The following MARK3 variants were observed in gnomAD, a reference collection of about 807,000 sequenced individuals.
MARK3 encodes MAP/microtubule affinity-regulating kinase 3.
A neutral mutation model predicts 90.1 loss-of-function variants in MARK3; 46 were observed. The ratio of observed to expected loss-of-function variants is 0.51; its 90% confidence interval spans 0.40 to 0.65. MARK3 has a LOEUF of 0.65. Among genes scored for constraint, MARK3 ranks in the 30% least tolerant of loss-of-function variants. The probability of loss-of-function intolerance (pLI) is 0.00; values close to 1 mark genes in which losing one functional copy is unlikely to be tolerated. For synonymous variants in MARK3, 321 were observed against 332.6 expected (o/e 0.97, Z 0.38); for missense variants, 818 against 947.2 (o/e 0.86, Z 1.79).
At position 103,385,418 on chromosome 14, in the gene MARK3, TC is replaced by T. The variant is rs2089710503; in HGVS notation, c.-610del. 1 of 153,816 alleles carries T rather than the reference TC, an allele frequency of 6.5e-6. No homozygotes were observed. The highest frequency in any genetic ancestry group is 1.5e-5 in the Non-Finnish European group (1 of 68,450). The allele number at this position is 153,816 out of a possible 1,614,324, so 9.5% of individuals were successfully genotyped here. A position where few individuals can be genotyped will look rare whatever the true frequency, so the allele number is the denominator to read the frequency against. On this transcript the variant is annotated 5_prime_UTR_variant, in exon 1 of 18. Coordinates refer to ENST00000429436, the MANE Select transcript of MARK3 (RefSeq NM_001128918.3). ...GAAGCCGAGGGGCGGCCATCTTGGC[TC>T]CGTGAGGCTCTGAGGTGCCGGGGTG...
At chr14:103,399,328 A>G (rs1595463348) in intron 1 of MARK3, among the ~76,000 whole-genome samples, 1 of 152,180 alleles carries the variant, frequency 6.6e-6, no homozygotes, top group African/African-American at 2.4e-5. Context: ...TTGAGTTGAT[A>G]TGGCCCCTAT....
At chr14:103,420,780 T>TA (rs2140953213) in intron 2 of MARK3, among the ~76,000 whole-genome samples, 1 of 152,294 alleles carries the variant, frequency 6.6e-6, no homozygotes, top group Admixed American at 6.5e-5. Context: ...TTTTCGGACA[T>TA]ATGCAGAACG....
intron 1 of MARK3, among the ~76,000 whole-genome samples, chr14:103,397,458 C>G (rs2090655105): frequency 6.6e-6 from 1 of 151,816 alleles, no homozygotes. Context: ...TTCTGAGTAG[C>G]TGGGACTACA....
rs10529756 is a variant in MARK3, at chr14:103,423,200, C to CTTTTTT, written c.244-5178_244-5173dup. 7.4e-5 allele frequency among the ~76,000 whole-genome samples: 7 copies of CTTTTTT among 94,718 alleles called. 1 individual carries two copies. The highest frequency in any genetic ancestry group is 9.4e-4 in the South Asian group (2 of 2,122). 62.1% of individuals were successfully genotyped at this position (94,718 alleles called of 152,430 possible). A position where few individuals can be genotyped will look rare whatever the true frequency, so the allele number is the denominator to read the frequency against. ...TCTATCCCCCTAGAGGACTTGCAGT[C>CTTTTTT]TTTTTTTTTTTTTTGCCTCCTCTTT... On this transcript the variant is annotated intron_variant, in intron 2 of 17. Transcript: ENST00000429436.
chr14:103,483,139 C>A (rs2093857024), intron 14 of MARK3, among the ~76,000 whole-genome samples: 1 of 152,192 alleles, frequency 6.6e-6, no homozygotes, highest in African/African-American at 2.4e-5. Context: ...GCTTTCCCTG[C>A]ACAGATGACT....
Position 103,480,126 on chromosome 14 carries a change from GA to G in MARK3, c.1483-251del, listed in dbSNP as rs113319948. Among the ~76,000 whole-genome samples, 234 of 149,910 alleles carry G rather than the reference GA, an allele frequency of 1.6e-3. 1 individual carries two copies. The highest frequency in any genetic ancestry group is 5.0e-3 in the African/African-American group (204 of 40,860). ...CAGAGCAACACTGCATCTCAAAAAAGAAAAAAAAAATTAGCCAAATGTGGTG... is the reference window on the plus strand; with the variant it reads ...CAGAGCAACACTGCATCTCAAAAAAGAAAAAAAAATTAGCCAAATGTGGTG... On this transcript the variant is annotated intron_variant, in intron 13 of 17. Coordinates refer to ENST00000429436, the MANE Select transcript of MARK3 (RefSeq NM_001128918.3).
At chr14:103,484,925 CA>C (rs897075772) in intron 14 of MARK3, among the ~76,000 whole-genome samples, 3 of 142,222 alleles carry the variant, frequency 2.1e-5, no homozygotes, top group African/African-American at 5.2e-5. Flanking sequence ...GTCTCAAAAA[CA>C]AAAAAAAAGG....
intron 14 of MARK3, among the ~76,000 whole-genome samples, chr14:103,485,097 G>A (rs1347199111): frequency 1.4e-5 from 2 of 140,056 alleles, no homozygotes; most frequent in African/African-American, 2.8e-5. Flanking sequence ...AGGCATGGTG[G>A]CGCATGCCTA....
chr14:103,463,139 CTATATACCTTT>C (rs2093433542), intron 7 of MARK3, among the ~76,000 whole-genome samples: 1 of 68,692 alleles, frequency 1.5e-5, no homozygotes, highest in Non-Finnish European at 3.0e-5. Context: ...ATGCTCAAGT[CTATATACCTTT>C]TTTTTTTTTT....
At chr14:103,389,272 G>T (rs1404981371) in intron 1 of MARK3, among the ~76,000 whole-genome samples, 3 of 151,594 alleles carry the variant, frequency 2.0e-5, no homozygotes, top group Non-Finnish European at 4.4e-5. Flanking sequence ...GCTGAGGCAG[G>T]AGAATGGCAT....
chr14:103,502,802 C>T (rs922557558), intron 17 of MARK3, 80 bp from the exon 18 acceptor site: 2 of 1,099,248 alleles, frequency 1.8e-6, no homozygotes, highest in Non-Finnish European at 2.6e-6. Context: ...GTATCAAAGA[C>T]GTGAATGAGG....
chr14:103,398,960 A>T (rs184565633), intron 1 of MARK3, among the ~76,000 whole-genome samples: 1 of 152,194 alleles, frequency 6.6e-6, no homozygotes, highest in Non-Finnish European at 1.5e-5. Context: ...GAAGGGATCA[A>T]GTTCTGTTCA....
At chr14:103,420,781 AT>A (rs1191100163) in intron 2 of MARK3, among the ~76,000 whole-genome samples, 3 of 152,188 alleles carry the variant, frequency 2.0e-5, no homozygotes, top group African/African-American at 7.2e-5. Context: ...TTTCGGACAT[AT>A]GCAGAACGGT....
chr14:103,408,188 CG>C (rs796327745), intron 2 of MARK3, among the ~76,000 whole-genome samples: 1 of 151,612 alleles, frequency 6.6e-6, no homozygotes, highest in Non-Finnish European at 1.5e-5. Context: ...TGTTTTTTGG[CG>C]GGGGGGAGGT....
intron 2 of MARK3, among the ~76,000 whole-genome samples, chr14:103,406,379 CA>C (rs2140715776): frequency 6.8e-6 from 1 of 146,656 alleles, no homozygotes; most frequent in African/African-American, 2.5e-5. Context: ...CGCACACCAC[CA>C]CGCCTGGCTA....
chr14:103,387,181 T>TAA (rs1267474542), intron 1 of MARK3, among the ~76,000 whole-genome samples: 1 of 152,238 alleles, frequency 6.6e-6, no homozygotes, highest in Admixed American at 6.5e-5. Flanking sequence ...TCCTGAGATG[T>TAA]TGTGGCCTAG....
chr14:103,393,167 G>A (rs2140480120), intron 1 of MARK3, among the ~76,000 whole-genome samples: 1 of 152,220 alleles, frequency 6.6e-6, no homozygotes, highest in South Asian at 2.1e-4. Flanking sequence ...ATTTTCGGTA[G>A]AGACTGGGTT....
rs34245934 is a variant in MARK3 at position 103,415,150 on chromosome 14, C to CAAAA, written c.243+9905_243+9908dup. On this transcript the variant is annotated intron_variant, in intron 2 of 17. Transcript: ENST00000429436. ...CTGGCAACAGAGTAAGACCTTGTCT[C>CAAAA]AAAAAAAAAAAAAAAAAAAAAAAAA... Among the ~76,000 whole-genome samples, 198 of 37,610 alleles carry CAAAA rather than the reference C, an allele frequency of 5.3e-3. 13 individuals carry two copies. Among genetic ancestry groups the CAAAA allele is most frequent in the African/African-American group, 0.016 (158 of 10,102 alleles). The allele number at this position is 37,610 out of a possible 152,430, so 24.7% of individuals were successfully genotyped here.
chr14:103,420,826 C>T (rs968827620), intron 2 of MARK3, among the ~76,000 whole-genome samples: 1 of 152,128 alleles, frequency 6.6e-6, no homozygotes, highest in African/African-American at 2.4e-5. Context: ...TGAGGTTCAA[C>T]AAGGGGACAC....
Sources: gnomAD v4.1 joint callset for allele counts (sites outside exome capture counted in the v4.1 genomes callset) on GRCh38, gnomAD v4.1.1 for gene constraint, MANE v1.5 for transcripts, NCBI Gene and HGNC (gene_info 2026-07-23, HGNC 2026-07-21) for gene names.